The following LSAMP variants were observed in gnomAD, a reference collection of about 807,000 sequenced individuals.
LSAMP encodes the protein limbic system associated membrane protein, also known as limbic system-associated membrane protein.
LSAMP carries 7 observed loss-of-function variants against 38.6 expected under a neutral mutation model. The observed-to-expected ratio is 0.18, with a 90% CI of 0.10 to 0.34. The LOEUF (loss-of-function observed/expected upper bound fraction) is 0.34. LSAMP is among the 10% of genes least tolerant of loss of function. The pLI is 1.00. For synonymous variants in LSAMP, 154 were observed against 166.8 expected (o/e 0.92, Z 0.59); for missense variants, 313 against 420.0 (o/e 0.75, Z 2.23).
chr3:115,940,381 C>T (rs2143817), intron 3 of LSAMP, among the ~76,000 whole-genome samples: 11,423 of 112,692 alleles, frequency 0.1, 512 homozygotes, highest in Non-Finnish European at 0.13. Flanking sequence ...AGACAGAGTG[C>T]TTATTGGTGC....
chr3:116,094,733 CAA>C (rs1330963100), intron 1 of LSAMP, among the ~76,000 whole-genome samples: 1 of 149,144 alleles, frequency 6.7e-6, no homozygotes, highest in East Asian at 1.9e-4. Context: ...GTGTAAAAAA[CAA>C]ACAGTTTAGA....
chr3:116,295,402 C>T (rs920083180), intron 1 of LSAMP, among the ~76,000 whole-genome samples: 5 of 152,146 alleles, frequency 3.3e-5, no homozygotes, highest in African/African-American at 1.2e-4. Context: ...TGGAACTAAT[C>T]TATTTAAAAT....
At chr3:116,185,010 TTTTCTTTC>T (rs200486380) in intron 1 of LSAMP, among the ~76,000 whole-genome samples, 5 of 147,312 alleles carry the variant, frequency 3.4e-5, no homozygotes, top group East Asian at 2.0e-4. Context: ...ACTGCAGATT[TTTTCTTTC>T]TTTCTTTCTT....
chr3:115,945,432 G>A lies in LSAMP; in HGVS notation c.514+74083C>T, dbSNP rs145698415. Among the ~76,000 whole-genome samples, 801 of 152,202 alleles carry A rather than the reference G, an allele frequency of 5.3e-3. 3 individuals carry two copies. The highest frequency in any genetic ancestry group is 8.6e-3 in the Non-Finnish European group (582 of 67,994). On this transcript the variant is annotated intron_variant, in intron 3 of 6. Coordinates refer to ENST00000490035, the MANE Select transcript of LSAMP (RefSeq NM_002338.5). ...TGTGAAGGACAGAGGGTTGTGATAC[G>A]AGTTTCTGGGCTCTACAAGGCTGCA...
At chr3:116,151,697 T>G (rs1709615837) in intron 1 of LSAMP, among the ~76,000 whole-genome samples, 1 of 152,014 alleles carries the variant, frequency 6.6e-6, no homozygotes, top group South Asian at 2.1e-4. Context: ...GCTGGACTTG[T>G]CCGTAAAGAC....
At chr3:116,412,734 T>A (rs145571590) in intron 1 of LSAMP, among the ~76,000 whole-genome samples, 1 of 152,194 alleles carries the variant, frequency 6.6e-6, no homozygotes, top group East Asian at 1.9e-4. Flanking sequence ...TCGTTATGGT[T>A]TGGTGACTTT....
At chr3:116,225,198 A>G (rs1228864952) in intron 1 of LSAMP, among the ~76,000 whole-genome samples, 1 of 152,196 alleles carries the variant, frequency 6.6e-6, no homozygotes, top group Non-Finnish European at 1.5e-5. Context: ...AGAGGTAGTT[A>G]AGAATCTTGA....
intron 3 of LSAMP, among the ~76,000 whole-genome samples, chr3:116,011,719 A>G (rs1423554099): frequency 6.6e-6 from 1 of 151,294 alleles, no homozygotes; most frequent in Non-Finnish European, 1.5e-5. Context: ...AGTAGTTTCC[A>G]AGGAAAATAC....
chr3:116,143,156 T>C (rs192823214), intron 1 of LSAMP, among the ~76,000 whole-genome samples: 1 of 151,896 alleles, frequency 6.6e-6, no homozygotes, highest in Admixed American at 6.6e-5. Flanking sequence ...GCCTTTTCAG[T>C]AAGTTAGAAA....
chr3:115,826,720 C>CA (rs1405224617), intron 6 of LSAMP, among the ~76,000 whole-genome samples: 7 of 151,992 alleles, frequency 4.6e-5, no homozygotes, highest in African/African-American at 4.8e-5. Context: ...TAACCTGTGC[C>CA]AAAAAATGAG....
chr3:115,876,900 T>C (rs570511219), intron 3 of LSAMP, among the ~76,000 whole-genome samples: 3 of 152,220 alleles, frequency 2.0e-5, no homozygotes, highest in African/African-American at 4.8e-5. Context: ...AATTCTTTCT[T>C]CTTATAGTTT....
chr3:116,245,229 A>G (rs531740240), intron 1 of LSAMP, among the ~76,000 whole-genome samples: 20 of 152,302 alleles, frequency 1.3e-4, no homozygotes, highest in African/African-American at 3.6e-4. Flanking sequence ...ACCACCTGCA[A>G]GACGAGGATC....
intron 3 of LSAMP, among the ~76,000 whole-genome samples, chr3:115,937,316 G>A (rs1937736590): frequency 6.6e-6 from 1 of 152,076 alleles, no homozygotes; most frequent in African/African-American, 2.4e-5. Flanking sequence ...ATGGATTGTA[G>A]TTTAAAAAAT....
intron 3 of LSAMP, among the ~76,000 whole-genome samples, chr3:115,969,337 A>T (rs1938935038): frequency 6.6e-6 from 1 of 152,224 alleles, no homozygotes; most frequent in South Asian, 2.1e-4. Context: ...TTGGAAAAAG[A>T]GTAGGCAGGG....
At chr3:116,384,515 G>A (rs2048601061) in intron 1 of LSAMP, among the ~76,000 whole-genome samples, 1 of 152,048 alleles carries the variant, frequency 6.6e-6, no homozygotes, top group Admixed American at 6.6e-5. Context: ...GCACACTGGG[G>A]GTTGAGAATT....
At chr3:116,257,158 T>G (rs2046762783) in intron 1 of LSAMP, among the ~76,000 whole-genome samples, 1 of 152,168 alleles carries the variant, frequency 6.6e-6, no homozygotes, top group African/African-American at 2.4e-5. Context: ...CTAGGTAGTG[T>G]TCTCTAAACT....
intron 3 of LSAMP, among the ~76,000 whole-genome samples, chr3:115,991,553 C>A (rs1269848257): frequency 6.6e-6 from 1 of 151,724 alleles, no homozygotes; most frequent in African/African-American, 2.4e-5. Context: ...TTGTGGGGTA[C>A]AAAGTGATAA....
At chr3:115,885,417 C>T (rs1300123693) in intron 3 of LSAMP, among the ~76,000 whole-genome samples, 1 of 151,874 alleles carries the variant, frequency 6.6e-6, no homozygotes, top group Non-Finnish European at 1.5e-5. Flanking sequence ...AATCTCAGTT[C>T]CCTTCTATAT....
At chr3:115,984,217 C>T (rs1330155647) in intron 3 of LSAMP, among the ~76,000 whole-genome samples, 2 of 150,552 alleles carry the variant, frequency 1.3e-5, no homozygotes, top group African/African-American at 4.9e-5. Flanking sequence ...GGGTGCTATT[C>T]ACAAAGAAAA....
Sources: allele counts gnomAD v4.1 joint callset (sites outside exome capture counted in the v4.1 genomes callset), GRCh38; gene constraint gnomAD v4.1.1; transcripts MANE v1.5; gene names NCBI Gene and HGNC (gene_info 2026-07-23, HGNC 2026-07-21).